The following USP26 variants were observed in gnomAD, a reference collection of about 807,000 sequenced individuals.
The protein encoded by USP26 is ubiquitin carboxyl-terminal hydrolase 26.
For synonymous variants in USP26, 236 were observed against 240.6 expected (o/e 0.98, Z 0.18); for missense variants, 649 against 642.3 (o/e 1.01, Z -0.11).
At chrX:133,070,781 A>G (rs200842382) in intron 5 of USP26, among the ~76,000 whole-genome samples, 1 of 111,817 alleles carries the variant, frequency 8.9e-6, no homozygotes, top group East Asian at 2.8e-4. Flanking sequence ...GTATAAAGAT[A>G]TTTTCAATTT....
chrX:133,074,879 A>G (rs1225208878), intron 5 of USP26, among the ~76,000 whole-genome samples: 1 of 112,331 alleles, frequency 8.9e-6, no homozygotes, highest in Non-Finnish European at 1.9e-5. Context: ...ACCAGGACAG[A>G]AGTAAAAATA....
At chrX:133,075,959 C>T (rs944000227) in intron 5 of USP26, among the ~76,000 whole-genome samples, 1 of 111,600 alleles carries the variant, frequency 9.0e-6, no homozygotes, top group African/African-American at 3.3e-5. Context: ...AATAGGGTTA[C>T]AGTATTATTT....
In USP26 at chrX:133,064,057, A is replaced by C. The variant is rs754982971; in HGVS notation, c.-77+19650T>G. On this transcript the variant is annotated intron_variant, in intron 5 of 5. Coordinates refer to ENST00000511190, the MANE Select transcript of USP26 (RefSeq NM_031907.3). ...AATATTTACCAAGCAAATGGAAAGCAAAAAAAGCAGGGGTTGCCATCCTAG... is the reference window on the plus strand; with the variant it reads ...AATATTTACCAAGCAAATGGAAAGCCAAAAAAGCAGGGGTTGCCATCCTAG... Among the ~76,000 whole-genome samples the C allele has an allele frequency of 2.7e-5, 3 of 112,203 alleles. No individual in the cohort carries two copies. The East Asian group carries it at 8.4e-4, about 31-fold the overall frequency.
intron 5 of USP26, among the ~76,000 whole-genome samples, chrX:133,044,037 A>C (rs999867114): frequency 7.1e-5 from 8 of 112,640 alleles, no homozygotes; most frequent in Non-Finnish European, 1.5e-4. Context: ...TTTCTGTCAA[A>C]AAGCTCAGGC....
chrX:133,054,599 C>T (rs1162509861), intron 5 of USP26, among the ~76,000 whole-genome samples: 3 of 111,444 alleles, frequency 2.7e-5, no homozygotes, highest in Non-Finnish European at 5.7e-5. Flanking sequence ...AAGATTCTGG[C>T]CCTTTCCAAG....
chrX:133,068,763 A>G (rs1008010236), intron 5 of USP26, among the ~76,000 whole-genome samples: 2 of 112,745 alleles, frequency 1.8e-5, no homozygotes, highest in African/African-American at 6.4e-5. Flanking sequence ...AAAATTCTAA[A>G]GAACTTGTGG....
At chrX:133,067,579 A>G (rs1180800729) in intron 5 of USP26, among the ~76,000 whole-genome samples, 2 of 112,481 alleles carry the variant, frequency 1.8e-5, no homozygotes, top group African/African-American at 6.5e-5. Flanking sequence ...TTGCAGGGAC[A>G]TGGATAAAGC....
At chrX:133,056,048 G>T (rs944668965) in intron 5 of USP26, among the ~76,000 whole-genome samples, 2 of 111,543 alleles carry the variant, frequency 1.8e-5, no homozygotes, top group African/African-American at 6.5e-5. Context: ...GTTCCAGTGA[G>T]ACTTGTTTTC....
At chrX:133,044,711 C>T (rs2067432464) in intron 5 of USP26, among the ~76,000 whole-genome samples, 1 of 113,236 alleles carries the variant, frequency 8.8e-6, no homozygotes, top group South Asian at 3.6e-4. Flanking sequence ...CGAGCGTCAC[C>T]CCCTGCTCCA....
At chrX:133,041,921 A>T (rs1429815918) in intron 5 of USP26, among the ~76,000 whole-genome samples, 1 of 112,283 alleles carries the variant, frequency 8.9e-6, no homozygotes, top group Non-Finnish European at 1.9e-5. Context: ...AGTGAGGAGG[A>T]ATCTAGAGAG....
intron 5 of USP26, among the ~76,000 whole-genome samples, chrX:133,035,872 G>C (rs1275084537): frequency 5.3e-5 from 6 of 112,284 alleles, no homozygotes; most frequent in Non-Finnish European, 1.1e-4. Flanking sequence ...TAAAGTACCA[G>C]TTGAGGCTGA....
intron 5 of USP26, among the ~76,000 whole-genome samples, chrX:133,056,500 C>T (rs2067476018): frequency 9.0e-6 from 1 of 111,640 alleles, no homozygotes; most frequent in African/African-American, 3.3e-5. Context: ...AGACTAGCAG[C>T]CCTGTGACTC....
intron 5 of USP26, among the ~76,000 whole-genome samples, chrX:133,062,120 C>T (rs749972786): frequency 1.7e-3 from 190 of 111,016 alleles, no homozygotes; most frequent in Non-Finnish European, 3.1e-3. Context: ...AGGTGGTTTT[C>T]CCTTCAGTGG....
intron 5 of USP26, among the ~76,000 whole-genome samples, chrX:133,073,957 A>C (rs1219852193): frequency 3.6e-5 from 4 of 110,866 alleles, no homozygotes; most frequent in African/African-American, 1.3e-4. Context: ...CCATTCCTCC[A>C]TCTGAAAAAA....
intron 1 of USP26, among the ~76,000 whole-genome samples, chrX:133,094,355 T>G (rs1485207667): frequency 9.0e-6 from 1 of 110,574 alleles, no homozygotes; most frequent in Non-Finnish European, 1.9e-5. Context: ...ACTTCCATTT[T>G]CTCTCCTAAC....
intron 5 of USP26, among the ~76,000 whole-genome samples, chrX:133,058,136 C>T (rs923098942): frequency 9.4e-6 from 1 of 106,248 alleles, no homozygotes; most frequent in Non-Finnish European, 1.9e-5. Flanking sequence ...CTGTCTTGGC[C>T]TCCCAAAGTG....
chrX:133,082,565 C>T (rs1429082454), intron 5 of USP26, among the ~76,000 whole-genome samples: 3 of 111,975 alleles, frequency 2.7e-5, no homozygotes, highest in Non-Finnish European at 5.6e-5. Flanking sequence ...GAGTAAACCT[C>T]CTGGAGATAT....
At chrX:133,030,028 T>C (rs2067370521) in intron 5 of USP26, among the ~76,000 whole-genome samples, 1 of 112,058 alleles carries the variant, frequency 8.9e-6, no homozygotes, top group Non-Finnish European at 1.9e-5. Flanking sequence ...TAAAATGTAT[T>C]GTTTCTCCAA....
At chrX:133,067,878 TTAAAG>T (rs1444492246) in intron 5 of USP26, among the ~76,000 whole-genome samples, 3 of 111,464 alleles carry the variant, frequency 2.7e-5, no homozygotes, top group Non-Finnish European at 3.8e-5. Flanking sequence ...ATCCCAGAAC[TTAAAG>T]TAAAGTTTAC....
Sources: gnomAD v4.1 joint callset for allele counts (sites outside exome capture counted in the v4.1 genomes callset) on GRCh38, gnomAD v4.1.1 for gene constraint, MANE v1.5 for transcripts, NCBI Gene and HGNC (gene_info 2026-07-23, HGNC 2026-07-21) for gene names.